The following TOM1L2 variants were observed in gnomAD, a reference collection of about 807,000 sequenced individuals.
TOM1L2 encodes target of myb1 like 2 membrane trafficking protein, also known as TOM1-like protein 2.
TOM1L2 carries 31 observed loss-of-function variants against 67.9 expected under a neutral mutation model. That is an observed-to-expected ratio of 0.46 (90% CI 0.34 to 0.62). TOM1L2 has a LOEUF of 0.62. Ranked by LOEUF, TOM1L2 falls within the 20% of genes least tolerant of loss-of-function variation. The pLI is 0.01. For missense variants in TOM1L2, 606 were observed against 663.5 expected (o/e 0.91, Z 0.95); for synonymous variants, 256 against 254.0 (o/e 1.01, Z -0.07).
At chr17:17,967,041 TTA>T (rs1271415379) in intron 1 of TOM1L2, among the ~76,000 whole-genome samples, 1 of 152,210 alleles carries the variant, frequency 6.6e-6, no homozygotes, top group Non-Finnish European at 1.5e-5. Context: ...TCAGTACTCC[TTA>T]ATAAACTCCC....
At chr17:17,871,287 C>T (rs923608585) in intron 7 of TOM1L2, among the ~76,000 whole-genome samples, 2 of 152,128 alleles carry the variant, frequency 1.3e-5, no homozygotes, top group African/African-American at 4.8e-5. Context: ...AGGAGAATGG[C>T]GTGAACCCAG....
At chr17:17,955,894 G>A (rs763404528) in intron 1 of TOM1L2, among the ~76,000 whole-genome samples, 3 of 152,270 alleles carry the variant, frequency 2.0e-5, no homozygotes, top group South Asian at 2.1e-4. Flanking sequence ...TTCGCGGTGA[G>A]TGTTACAGCT....
chr17:17,883,430 C>T (rs2144071832), intron 5 of TOM1L2, among the ~76,000 whole-genome samples: 1 of 152,310 alleles, frequency 6.6e-6, no homozygotes, highest in East Asian at 1.9e-4. Flanking sequence ...ATGAAAACAG[C>T]CTCCAGAAAG....
At chr17:17,905,155 T>TACC (rs2039035552) in intron 2 of TOM1L2, among the ~76,000 whole-genome samples, 1 of 152,338 alleles carries the variant, frequency 6.6e-6, no homozygotes, top group African/African-American at 2.4e-5. Flanking sequence ...CACGTCTGTG[T>TACC]ACCAGGCACC....
chr17:17,969,901 C>A (rs1415323822), intron 1 of TOM1L2, among the ~76,000 whole-genome samples: 1 of 151,970 alleles, frequency 6.6e-6, no homozygotes, highest in Non-Finnish European at 1.5e-5. Context: ...ACAAACTAAA[C>A]CTCAGAAAGC....
intron 12 of TOM1L2, among the ~76,000 whole-genome samples, chr17:17,852,192 T>C (rs1021377540): frequency 2.0e-5 from 3 of 152,132 alleles, no homozygotes. Context: ...GTAAAAGGAA[T>C]GCATACCCCA....
intron 1 of TOM1L2, among the ~76,000 whole-genome samples, chr17:17,969,613 T>C (rs1407385926): frequency 6.6e-6 from 1 of 152,166 alleles, no homozygotes; most frequent in Admixed American, 6.5e-5. Flanking sequence ...ATCATCATCT[T>C]TAGTCAAGCA....
chr17:17,970,353 C>T (rs1339864137), intron 1 of TOM1L2, among the ~76,000 whole-genome samples: 3 of 152,136 alleles, frequency 2.0e-5, no homozygotes, highest in Admixed American at 6.5e-5. Flanking sequence ...CGTGAGCCAC[C>T]GCACCCAACC....
chr17:17,950,219 C>T (rs1287413173), intron 1 of TOM1L2, among the ~76,000 whole-genome samples: 2 of 152,022 alleles, frequency 1.3e-5, no homozygotes, highest in Non-Finnish European at 1.5e-5. Flanking sequence ...TGCAGTGGTG[C>T]GCTCTTGGCT....
intron 1 of TOM1L2, among the ~76,000 whole-genome samples, chr17:17,946,538 T>C (rs2040959706): frequency 6.6e-6 from 1 of 152,218 alleles, no homozygotes; most frequent in Admixed American, 6.5e-5. Context: ...ATTAGCACTT[T>C]GTTAGGTTTC....
At chr17:17,920,541 T>C (rs1050439344) in intron 1 of TOM1L2, among the ~76,000 whole-genome samples, 12 of 151,956 alleles carry the variant, frequency 7.9e-5, no homozygotes, top group Admixed American at 7.2e-4. Context: ...GGTTTCACAA[T>C]GTTGGCCAGG....
chr17:17,865,680 T>C (rs1043408596), intron 10 of TOM1L2, among the ~76,000 whole-genome samples: 4 of 150,844 alleles, frequency 2.7e-5, no homozygotes, highest in African/African-American at 7.3e-5. Flanking sequence ...CTAGTTAATA[T>C]TGAAAAGGAA....
intron 7 of TOM1L2, among the ~76,000 whole-genome samples, chr17:17,877,602 C>T (rs1204789921): frequency 2.0e-5 from 3 of 152,144 alleles, no homozygotes; most frequent in Non-Finnish European, 4.4e-5. Flanking sequence ...ATGGCGGAGG[C>T]GTGCAGCCAA....
chr17:17,965,329 T>G (rs2041837420), intron 1 of TOM1L2, among the ~76,000 whole-genome samples: 1 of 152,112 alleles, frequency 6.6e-6, no homozygotes, highest in African/African-American at 2.4e-5. Context: ...CTTCCCAGTC[T>G]CACCCCCTAT....
At chr17:17,893,613 A>C in intron 4 of TOM1L2, 48 bp downstream of exon 4, 2 of 1,557,280 alleles carry the variant, frequency 1.3e-6, no homozygotes, top group Non-Finnish European at 1.7e-6. Flanking sequence ...TCAATAAGAG[A>C]CTTCATCTTA....
chr17:17,959,948 G>C (rs934746898), intron 1 of TOM1L2, among the ~76,000 whole-genome samples: 1 of 152,206 alleles, frequency 6.6e-6, no homozygotes, highest in Non-Finnish European at 1.5e-5. Flanking sequence ...ATCCATCACT[G>C]TAGTTCTAAG....
intron 7 of TOM1L2, among the ~76,000 whole-genome samples, chr17:17,870,444 T>TG (rs1469152036): frequency 6.6e-6 from 1 of 152,152 alleles, no homozygotes; most frequent in Non-Finnish European, 1.5e-5. Context: ...CTGGCAACAC[T>TG]GCCAGGCTGG....
chr17:17,965,526 TC>T (rs1196628290), intron 1 of TOM1L2, among the ~76,000 whole-genome samples: 6 of 152,180 alleles, frequency 3.9e-5, no homozygotes, highest in Admixed American at 1.3e-4. Flanking sequence ...TTTCCTGAGT[TC>T]TTCCTTCCCT....
chr17:17,884,627 A>C lies in TOM1L2; in HGVS notation c.501+7T>G. 6.2e-7 allele frequency: 1 copy of C among 1,613,936 alleles called. No homozygotes were observed. Among genetic ancestry groups the C allele is most frequent in the East Asian group, 2.2e-5 (1 of 44,882 alleles). On this transcript the variant is annotated splice_region_variant and intron_variant, in intron 5 of 14. Transcript: ENST00000379504. ...GTCTTTCTAGAAAGTGCCAGCTGGA[A>C]GCTTACCCGCTGTGGTGTGTGTATG... is the stretch of plus-strand genomic sequence containing the variant.
Sources: gnomAD v4.1 joint callset for allele counts (sites outside exome capture counted in the v4.1 genomes callset) on GRCh38, gnomAD v4.1.1 for gene constraint, MANE v1.5 for transcripts, NCBI Gene and HGNC (gene_info 2026-07-23, HGNC 2026-07-21) for gene names.